The following SERPINA5 variants were observed in gnomAD, a reference collection of about 807,000 sequenced individuals.
SERPINA5 encodes the protein plasma serine protease inhibitor.
Under a neutral mutation model 25.3 loss-of-function variants are expected in SERPINA5, and 25 were observed. The ratio of observed to expected loss-of-function variants is 0.99; its 90% confidence interval spans 0.72 to 1.38. The LOEUF is 1.38. SERPINA5 is among the 40% of genes most tolerant of loss of function. The pLI is 0.00. For missense variants in SERPINA5, 599 were observed against 509.5 expected (o/e 1.18, Z -1.69); for synonymous variants, 234 against 206.2 (o/e 1.14, Z -1.16).
Position 94,589,941 on chromosome 14 carries a change from C to T in SERPINA5, c.620-100C>T, listed in dbSNP as rs143039920. On this transcript the variant is annotated intron_variant, in intron 3 of 5. Coordinates refer to ENST00000329597, the MANE Select transcript of SERPINA5 (RefSeq NM_000624.6). Reference sequence around the variant, plus strand: ...CTGGGGCTGCCATAAAGATGGTCTCCGCTGGCTATCTTTACTGTCTTCACT... The same window carrying T: ...CTGGGGCTGCCATAAAGATGGTCTCTGCTGGCTATCTTTACTGTCTTCACT... 3.2e-3 allele frequency: 3,919 copies of T among 1,214,988 alleles called. 23 individuals carry two copies. Among genetic ancestry groups the T allele is most frequent in the African/African-American group, 0.018 (1,166 of 65,160 alleles). The allele number at this position is 1,214,988 out of a possible 1,614,324, so 75.3% of individuals were successfully genotyped here. A position where few individuals can be genotyped will look rare whatever the true frequency, so the allele number is the denominator to read the frequency against.
chr14:94,586,196 G>T (rs2069961), intron 2 of SERPINA5, among the ~76,000 whole-genome samples: 99,725 of 151,996 alleles, frequency 0.66, 33,062 homozygotes, highest in South Asian at 0.72. Flanking sequence ...AGTGATGGGA[G>T]ACCCCACAAA....
At chr14:94,587,215 G>A (rs535172558) in intron 2 of SERPINA5, 131 bp from the exon 3 acceptor site, 22 of 814,478 alleles carry the variant, frequency 2.7e-5, no homozygotes, top group East Asian at 9.9e-5. Context: ...CCAGTCTTGC[G>A]GGTGCCATCC....
chr14:94,589,012 C>T (rs567004966), intron 3 of SERPINA5, among the ~76,000 whole-genome samples: 1 of 152,326 alleles, frequency 6.6e-6, no homozygotes, highest in South Asian at 2.1e-4. Context: ...ATTGAGACCA[C>T]AGCAGTGAGT....
chr14:94,583,194 G>A (rs918532075), intron 2 of SERPINA5, among the ~76,000 whole-genome samples: 4 of 152,198 alleles, frequency 2.6e-5, no homozygotes, highest in South Asian at 2.1e-4. Context: ...TTTCTTAGGC[G>A]AGGAAGCGCT....
chr14:94,587,215 G>C, intron 2 of SERPINA5, 131 bp from the exon 3 acceptor site: 1 of 814,598 alleles, frequency 1.2e-6, no homozygotes, highest in Non-Finnish European at 1.9e-6. Context: ...CCAGTCTTGC[G>C]GGTGCCATCC....
At chr14:94,591,709 G>A (rs1413732699) in intron 5 of SERPINA5, among the ~76,000 whole-genome samples, 1 of 152,066 alleles carries the variant, frequency 6.6e-6, no homozygotes, top group Non-Finnish European at 1.5e-5. Flanking sequence ...TGTTCCTTGA[G>A]TTAAGGAGTC....
At chr14:94,584,630 C>T (rs1316653961) in intron 2 of SERPINA5, among the ~76,000 whole-genome samples, 1 of 152,124 alleles carries the variant, frequency 6.6e-6, no homozygotes, top group East Asian at 1.9e-4. Flanking sequence ...GGGGGTGAGG[C>T]TTGCCCAGGG....
chr14:94,590,355 C>T (rs1261320613), intron 4 of SERPINA5, 44 bp downstream of exon 4: 1 of 1,539,718 alleles, frequency 6.5e-7, no homozygotes, highest in East Asian at 2.3e-5. Flanking sequence ...CCACACAGCC[C>T]CAGGGAGACA....
intron 4 of SERPINA5, 159 bp downstream of exon 4, chr14:94,590,470 C>G: frequency 1.0e-6 from 1 of 1,004,346 alleles, no homozygotes; most frequent in Non-Finnish European, 1.4e-6. Context: ...TCCTGGGGGC[C>G]TAGCCCAGTT....
intron 3 of SERPINA5, among the ~76,000 whole-genome samples, chr14:94,589,320 C>T (rs530328378): frequency 4.7e-4 from 71 of 152,074 alleles, no homozygotes; most frequent in African/African-American, 1.6e-3. Context: ...TGGTGGTGGG[C>T]GCCTGTAATT....
chr14:94,590,762 T>C lies in SERPINA5; in HGVS notation c.904T>C (p.Tyr302His), dbSNP rs746525309. ...KMFKKRQLELYLPKFSIEGSY... is the reference protein window; with the variant it reads ...KMFKKRQLELHLPKFSIEGSY... ...TTCCCTTTCCAGGCAGCTCGAGCTT[T>C]ACCTTCCCAAATTCTCCATTGAGGG... Residue 302 changes from tyrosine (Y) to histidine (H), a missense_variant, in exon 5 of 6, where the codon TAC (tyrosine) becomes CAC (histidine). Coordinates refer to ENST00000329597, the MANE Select transcript of SERPINA5 (RefSeq NM_000624.6). 2 of 1,613,918 alleles carry C rather than the reference T, an allele frequency of 1.2e-6. No individual in the cohort carries two copies. Among genetic ancestry groups the C allele is most frequent in the Admixed American group, 1.7e-5 (1 of 60,000 alleles).
chr14:94,586,602 G>T (rs553662986), intron 2 of SERPINA5, among the ~76,000 whole-genome samples: 13 of 152,276 alleles, frequency 8.5e-5, no homozygotes, highest in African/African-American at 3.1e-4. Context: ...TCACATTCTG[G>T]GGTATTGAAG....
rs2069992 is a variant in SERPINA5, at chr14:94,592,670, G to C, written c.*431G>C. ...CCCACACTTATCAGCAGCAACAACTGTCAGTTCATCCTGCATGGGAAAAAT... is the reference window on the plus strand; with the variant it reads ...CCCACACTTATCAGCAGCAACAACTCTCAGTTCATCCTGCATGGGAAAAAT... On this transcript the variant is annotated 3_prime_UTR_variant, in exon 6 of 6. Transcript: ENST00000329597. 0.091 allele frequency: 14,476 copies of C among 159,404 alleles called. 1,172 individuals are homozygous for C. The highest frequency in any genetic ancestry group is 0.22 in the African/African-American group (9,272 of 41,666). 9.9% of individuals were successfully genotyped at this position (159,404 alleles called of 1,614,324 possible).
chr14:94,589,700 C>T (rs892909201), intron 3 of SERPINA5, among the ~76,000 whole-genome samples: 5 of 152,184 alleles, frequency 3.3e-5, no homozygotes, highest in African/African-American at 1.2e-4. Context: ...GCATTCACAG[C>T]CAGCCACATT....
chr14:94,590,512 A>G (rs528227805), intron 4 of SERPINA5: 57 of 830,930 alleles, frequency 6.9e-5, no homozygotes, highest in South Asian at 4.6e-4. Flanking sequence ...TGGGTTCCTT[A>G]GGGTGGTGCC....
chr14:94,590,337 G>A (rs767450409), intron 4 of SERPINA5, 26 bp downstream of exon 4: 2 of 1,561,818 alleles, frequency 1.3e-6, no homozygotes, highest in Non-Finnish European at 1.7e-6. Flanking sequence ...CCCAGGGCCA[G>A]CCTAAACCCA....
Position 94,590,213 on chromosome 14 carries a change from G to A in SERPINA5, c.792G>A (p.Thr264=), listed in dbSNP as rs564356510. Residue 264 remains threonine (T), a synonymous_variant, in exon 4 of 6, where the codon ACG becomes ACA. Transcript: ENST00000329597. Reference sequence around the variant, plus strand: ...GGGTCCCCTACCAAGGCAATGCCACGGCTTTGTTCATTCTCCCCAGTGAGG... The same window carrying A: ...GGGTCCCCTACCAAGGCAATGCCACAGCTTTGTTCATTCTCCCCAGTGAGG... ...VVGVPYQGNA[T]ALFILPSEGK... The A allele has an allele frequency of 4.0e-5, 65 of 1,614,040 alleles. No homozygotes were observed. The South Asian group carries it at 4.4e-4, about 11-fold the overall frequency.
Position 94,587,943 on chromosome 14 carries a change from A to G in SERPINA5, c.581A>G (p.Asn194Ser). The G allele has an allele frequency of 6.2e-7, 1 of 1,614,238 alleles. No individual in the cohort carries two copies. The change falls in exon 3 of 6, where the codon AAT becomes AGT. Residue 194 changes from asparagine (N) to serine (S), a missense_variant. Transcript: ENST00000329597. ...GACTTGCTTAAGAACCTCGATAGCA[A>G]TGCGGTCGTGATCATGGTGAATTAC... ...IVDLLKNLDS[N>S]AVVIMVNYIF... is the part of the protein sequence containing the mutation.
intron 5 of SERPINA5, 28 bp from the exon 6 acceptor site, chr14:94,592,029 C>T (rs978467456): frequency 6.3e-7 from 1 of 1,597,484 alleles, no homozygotes; most frequent in Middle Eastern, 1.9e-4. Flanking sequence ...CCCTAGTGGC[C>T]TGGTGATGCC....
Sources: gnomAD v4.1 joint callset for allele counts (sites outside exome capture counted in the v4.1 genomes callset) on GRCh38, gnomAD v4.1.1 for gene constraint, MANE v1.5 for transcripts, NCBI Gene and HGNC (gene_info 2026-07-23, HGNC 2026-07-21) for gene names.